RICTOR: variants seen among roughly 807,000 people sequenced by gnomAD.
The protein encoded by RICTOR is rapamycin-insensitive companion of mTOR.
In RICTOR, 49 loss-of-function variants were observed where a neutral mutation model predicts 214.9. That is an observed-to-expected ratio of 0.23 (90% CI 0.18 to 0.29). RICTOR has a LOEUF of 0.29. Among genes scored for constraint, RICTOR ranks in the 10% least tolerant of loss-of-function variants. The pLI is 1.00. For synonymous variants in RICTOR, 717 were observed against 711.3 expected, an observed-to-expected ratio of 1.01 and a Z score of -0.13; for missense variants, 1,625 against 2,047.0, an observed-to-expected ratio of 0.79 and a Z score of 3.98.
At chr5:39,007,852 G>A (rs1310988534) in intron 3 of RICTOR, among the ~76,000 whole-genome samples, 1 of 149,340 alleles carries the variant, frequency 6.7e-6, no homozygotes, top group Non-Finnish European at 1.5e-5. Flanking sequence ...TAAATATATT[G>A]TAAAATATTA....
At chr5:39,040,736 T>G (rs1580170713) in intron 2 of RICTOR, among the ~76,000 whole-genome samples, 1 of 152,110 alleles carries the variant, frequency 6.6e-6, no homozygotes, top group Non-Finnish European at 1.5e-5. Context: ...AAGACAGTTA[T>G]GATCTGACCT....
chr5:38,973,806 C>T (rs190685607), intron 10 of RICTOR, among the ~76,000 whole-genome samples: 1 of 152,254 alleles, frequency 6.6e-6, no homozygotes, highest in East Asian at 1.9e-4. Context: ...CAGGCTGTTG[C>T]ACCTCATTAA....
chr5:38,996,606 T>C (rs568239556), intron 6 of RICTOR, among the ~76,000 whole-genome samples: 4 of 152,312 alleles, frequency 2.6e-5, no homozygotes, highest in Admixed American at 2.0e-4. Flanking sequence ...ATAAGAAATA[T>C]TGCCCTACCT....
At chr5:38,955,880 A>C (rs975039427) in intron 25 of RICTOR, among the ~76,000 whole-genome samples, 176 bp from the exon 26 acceptor site, 2 of 152,016 alleles carry the variant, frequency 1.3e-5, no homozygotes, top group African/African-American at 4.8e-5. Context: ...AATGACCCCC[A>C]TATCTGCCAT....
At chr5:38,971,639 C>A in intron 11 of RICTOR, 1 of 279,238 alleles carries the variant, frequency 3.6e-6, no homozygotes, top group Non-Finnish European at 6.6e-6. Flanking sequence ...CTTCGGCCTC[C>A]CAAAGTTCTG....
intron 5 of RICTOR, among the ~76,000 whole-genome samples, 189 bp downstream of exon 5, chr5:39,002,346 T>A (rs751877175): frequency 2.0e-5 from 3 of 151,790 alleles, no homozygotes; most frequent in South Asian, 4.2e-4. Flanking sequence ...AGAGCTTTAC[T>A]GGGATGCTGA....
At chr5:38,958,966 A>G (rs1749554031) in intron 22 of RICTOR, 135 bp from the exon 23 acceptor site, 1 of 708,094 alleles carries the variant, frequency 1.4e-6, no homozygotes, top group Non-Finnish European at 2.2e-6. Flanking sequence ...CTTGATATGA[A>G]TACTTTTTTG....
chr5:39,039,087 C>A (rs1756969187), intron 2 of RICTOR, among the ~76,000 whole-genome samples: 1 of 152,102 alleles, frequency 6.6e-6, no homozygotes, highest in South Asian at 2.1e-4. Context: ...CTACAGTAAC[C>A]AAAACAGCAT....
chr5:39,040,177 T>G (rs1757060155), intron 2 of RICTOR, among the ~76,000 whole-genome samples: 1 of 151,944 alleles, frequency 6.6e-6, no homozygotes, highest in Admixed American at 6.6e-5. Flanking sequence ...GGGACATGGA[T>G]GAAGCTGGAA....
chr5:39,052,917 T>G (rs955963458), intron 2 of RICTOR, among the ~76,000 whole-genome samples: 3 of 152,208 alleles, frequency 2.0e-5, no homozygotes, highest in Non-Finnish European at 4.4e-5. Context: ...CATTCTCTAG[T>G]GCAAAGTTTG....
chr5:38,950,779 A>T (rs1434059181), intron 30 of RICTOR, 59 bp from the exon 31 acceptor site: 17 of 1,401,374 alleles, frequency 1.2e-5, no homozygotes, highest in Non-Finnish European at 1.4e-5. Context: ...CATGATAACT[A>T]TTAGTGACAT....
At chr5:39,070,625 T>C (rs1165931370) in intron 2 of RICTOR, among the ~76,000 whole-genome samples, 1 of 152,206 alleles carries the variant, frequency 6.6e-6, no homozygotes. Flanking sequence ...AATTCAACTA[T>C]ACTTTTAAAT....
At position 38,981,963 on chromosome 5, in the gene RICTOR, T is replaced by C. The variant is rs550684237; in HGVS notation, c.657A>G (p.Gln219=). The change falls in exon 8 of 38, where the codon CAA becomes CAG. Residue 219 remains glutamine (Q), a synonymous_variant. Coordinates refer to ENST00000357387, the MANE Select transcript of RICTOR (RefSeq NM_152756.5). ...TTAGGGCCTCATTTATTCGACTTAA[T>C]TGGCAATCGATCACATTTTTCAAGA... ...NTILKNVIDC[Q]LSRINEALIT... The C allele has an allele frequency of 3.1e-6, 5 of 1,613,250 alleles. No homozygotes were observed. The highest frequency in any genetic ancestry group is 1.7e-4 in the Middle Eastern group (1 of 6,056).
At chr5:38,969,963 G>C (rs979710780) in intron 11 of RICTOR, 1 of 152,070 alleles carries the variant, frequency 6.6e-6, no homozygotes, top group African/African-American at 2.4e-5. Context: ...ACTGTGCCCG[G>C]CCAGTATTTT....
intron 31 of RICTOR, chr5:38,949,488 T>C (rs1333701641): frequency 2.1e-5 from 30 of 1,423,222 alleles, no homozygotes; most frequent in African/African-American, 2.9e-5. Flanking sequence ...TTGCAAAGCA[T>C]GTATGTTTAT....
chr5:39,065,722 T>C (rs756242856), intron 2 of RICTOR, among the ~76,000 whole-genome samples: 2 of 152,258 alleles, frequency 1.3e-5, no homozygotes, highest in Non-Finnish European at 2.9e-5. Context: ...ACAGGCCCCA[T>C]GCAAGTTCAA....
At chr5:39,073,732 C>T (rs1423388417) in intron 2 of RICTOR, among the ~76,000 whole-genome samples, 1 of 152,162 alleles carries the variant, frequency 6.6e-6, no homozygotes, top group African/African-American at 2.4e-5. Flanking sequence ...CTCCTGCAAC[C>T]TAAATAACAG....
intron 6 of RICTOR, among the ~76,000 whole-genome samples, chr5:38,994,007 C>T (rs1752974778): frequency 1.3e-5 from 2 of 152,012 alleles, no homozygotes; most frequent in African/African-American, 2.4e-5. Flanking sequence ...ACGGTGAAAC[C>T]GCGTCTCTAC....
At chr5:38,976,205 T>C (rs145619673) in intron 9 of RICTOR, among the ~76,000 whole-genome samples, 2,863 of 152,322 alleles carry the variant, frequency 0.019, 104 homozygotes, top group African/African-American at 0.065. Context: ...TTTTTCATGG[T>C]TGGCTTATGG....
Sources: gnomAD v4.1 joint callset for allele counts (sites outside exome capture counted in the v4.1 genomes callset) on GRCh38, gnomAD v4.1.1 for gene constraint, MANE v1.5 for transcripts, NCBI Gene and HGNC (gene_info 2026-07-23, HGNC 2026-07-21) for gene names.